GATAD2A: variants seen among roughly 807,000 people sequenced by gnomAD.
GATAD2A encodes the protein transcriptional repressor p66-alpha.
A neutral mutation model predicts 68.5 loss-of-function variants in GATAD2A; 12 were observed. That is an observed-to-expected ratio of 0.18 (90% CI 0.11 to 0.28). The LOEUF is 0.28. GATAD2A is among the 10% of genes least tolerant of loss of function. GATAD2A has a pLI of 1.00. For synonymous variants in GATAD2A, 410 were observed against 375.3 expected (o/e 1.09, Z -1.07); for missense variants, 755 against 868.5 (o/e 0.87, Z 1.64).
At chr19:19,417,740 C>T (rs1051681529) in intron 1 of GATAD2A, among the ~76,000 whole-genome samples, 1 of 152,278 alleles carries the variant, frequency 6.6e-6, no homozygotes, top group Non-Finnish European at 1.5e-5. Flanking sequence ...AAAAGGCAGG[C>T]ATGAGCTAAT....
At chr19:19,447,142 G>T (rs1482995634) in intron 1 of GATAD2A, among the ~76,000 whole-genome samples, 1 of 152,176 alleles carries the variant, frequency 6.6e-6, no homozygotes, top group Non-Finnish European at 1.5e-5. Context: ...TGGTGATGAG[G>T]CAGGAAAGGG....
intron 2 of GATAD2A, among the ~76,000 whole-genome samples, chr19:19,482,410 AAAGAT>A (rs1306953815): frequency 6.6e-6 from 1 of 152,184 alleles, no homozygotes; most frequent in Non-Finnish European, 1.5e-5. Context: ...GTCTCCAAAT[AAAGAT>A]ATTTGATGAC....
chr19:19,409,038 T>G lies in GATAD2A; in HGVS notation c.-7+3019T>G, dbSNP rs1353516712. The stretch of plus-strand genomic sequence containing the variant: ...GCTTTTTTTTTTTTTTTTTTTGGTG[T>G]TTGTTCTCTTGGAAGAAAATTAAGA... On this transcript the variant is annotated intron_variant, in intron 1 of 11. Coordinates refer to ENST00000683918, the MANE Select transcript of GATAD2A (RefSeq NM_001384528.1). Among the ~76,000 whole-genome samples the G allele has an allele frequency of 2.0e-4, 27 of 138,054 alleles. 1 individual carries two copies. Among genetic ancestry groups the G allele is most frequent in the Non-Finnish European group, 6.4e-5 (4 of 62,756 alleles). 90.6% of individuals were successfully genotyped at this position (138,054 alleles called of 152,430 possible).
intron 1 of GATAD2A, among the ~76,000 whole-genome samples, chr19:19,392,523 C>T (rs1383261635): frequency 1.3e-5 from 2 of 150,752 alleles, no homozygotes; most frequent in Non-Finnish European, 2.9e-5. Flanking sequence ...ACCCGAGTAG[C>T]TGGGATTACA....
intron 1 of GATAD2A, among the ~76,000 whole-genome samples, chr19:19,458,933 C>T (rs1568305089): frequency 6.6e-6 from 1 of 152,136 alleles, no homozygotes; most frequent in Admixed American, 6.5e-5. Context: ...CCTTCCTCCT[C>T]GCCTGGATGA....
chr19:19,401,071 T>C (rs989963373), upstream of GATAD2A, among the ~76,000 whole-genome samples: 4 of 130,926 alleles, frequency 3.1e-5, no homozygotes, highest in Non-Finnish European at 6.2e-5. Flanking sequence ...CGCCAGAAGG[T>C]GGAGGTTGGA....
intron 2 of GATAD2A, among the ~76,000 whole-genome samples, chr19:19,483,052 G>C (rs374439744): frequency 6.6e-6 from 1 of 152,136 alleles, no homozygotes; most frequent in Non-Finnish European, 1.5e-5. Context: ...GGGCTGTTGC[G>C]TTCCTAGAAG....
chr19:19,464,883 C>T (rs911497859), intron 1 of GATAD2A: 2 of 230,164 alleles, frequency 8.7e-6, no homozygotes, highest in Non-Finnish European at 1.7e-5. Flanking sequence ...TAGGGCTAGT[C>T]CCAGGCCCCG....
intron 6 of GATAD2A, 57 bp from the exon 7 acceptor site, chr19:19,495,994 TC>T (rs2060126109): frequency 1.3e-6 from 2 of 1,591,252 alleles, no homozygotes; most frequent in Admixed American, 3.4e-5. Context: ...TGCCTTCCGG[TC>T]CCGCTCCATT....
chr19:19,482,280 T>C (rs970308762), intron 2 of GATAD2A, among the ~76,000 whole-genome samples: 5 of 152,268 alleles, frequency 3.3e-5, no homozygotes, highest in Admixed American at 6.5e-5. Context: ...AGTGGGCGCC[T>C]GTAGTCCCAG....
At chr19:19,493,735 C>G (rs1337373922) in intron 4 of GATAD2A, among the ~76,000 whole-genome samples, 3 of 146,914 alleles carry the variant, frequency 2.0e-5, no homozygotes, top group Non-Finnish European at 3.0e-5. Flanking sequence ...ACTGCCCCCG[C>G]GCCCCCTCCC....
At chr19:19,450,407 G>C (rs1449272477) in intron 1 of GATAD2A, among the ~76,000 whole-genome samples, 2 of 152,110 alleles carry the variant, frequency 1.3e-5, no homozygotes, top group Non-Finnish European at 2.9e-5. Flanking sequence ...GAACACCTGT[G>C]GGGGCTGTTG....
intron 1 of GATAD2A, among the ~76,000 whole-genome samples, chr19:19,420,635 C>G (rs1404585299): frequency 6.6e-6 from 1 of 151,994 alleles, no homozygotes; most frequent in Non-Finnish European, 1.5e-5. Context: ...CCACCGCGAC[C>G]AGCCCCATCT....
intron 1 of GATAD2A, chr19:19,441,604 T>C (rs4808955): frequency 0.35 from 54,822 of 155,502 alleles, 9,970 homozygotes; most frequent in South Asian, 0.48. Context: ...CTTTGTCACC[T>C]AGGCTGAAGT....
intron 4 of GATAD2A, among the ~76,000 whole-genome samples, chr19:19,493,131 G>T (rs1416165817): frequency 2.0e-5 from 3 of 150,524 alleles, no homozygotes; most frequent in Non-Finnish European, 4.5e-5. Flanking sequence ...AGTGGAGACG[G>T]GGTTTCACCA....
intron 2 of GATAD2A, among the ~76,000 whole-genome samples, chr19:19,478,703 G>A (rs1203229282): frequency 6.6e-6 from 1 of 151,756 alleles, no homozygotes; most frequent in Non-Finnish European, 1.5e-5. Flanking sequence ...CCAGCTATTC[G>A]GGAAGCTAAG....
At chr19:19,457,160 T>G in intron 1 of GATAD2A, 1 of 985,392 alleles carries the variant, frequency 1.0e-6, no homozygotes, top group Non-Finnish European at 1.2e-6. Flanking sequence ...ACTGACACTC[T>G]TGCAGAAGTG....
chr19:19,495,455 C>T (rs2082421), intron 5 of GATAD2A, among the ~76,000 whole-genome samples: 64,490 of 151,642 alleles, frequency 0.43, 14,991 homozygotes, highest in African/African-American at 0.61. Flanking sequence ...ACTACAGGCA[C>T]GTGCCACCAC....
At chr19:19,403,435 C>A (rs2049939652), upstream of GATAD2A, among the ~76,000 whole-genome samples, 1 of 152,156 alleles carries the variant, frequency 6.6e-6, no homozygotes, top group African/African-American at 2.4e-5. Flanking sequence ...CTGCACCCCT[C>A]CTACTCCCCG....
Sources: allele counts gnomAD v4.1 joint callset (sites outside exome capture counted in the v4.1 genomes callset), GRCh38; gene constraint gnomAD v4.1.1; transcripts MANE v1.5; gene names NCBI Gene and HGNC (gene_info 2026-07-23, HGNC 2026-07-21).